The following CNTNAP2 variants were observed in gnomAD, a reference collection of about 807,000 sequenced individuals.
The protein encoded by CNTNAP2 is contactin associated protein 2.
A neutral mutation model predicts 155.2 loss-of-function variants in CNTNAP2; 98 were observed. The observed-to-expected ratio is 0.63, with a 90% confidence interval of 0.54 to 0.75. CNTNAP2 has a LOEUF of 0.75. CNTNAP2 is among the 30% of genes least tolerant of loss of function. CNTNAP2 has a pLI of 0.00. For missense variants in CNTNAP2, 1,727 were observed against 1,688.1 expected (o/e 1.02, Z -0.40); for synonymous variants, 651 against 631.2 (o/e 1.03, Z -0.47).
At chr7:147,863,893 T>A (rs9768453) in intron 13 of CNTNAP2, among the ~76,000 whole-genome samples, 89,944 of 151,518 alleles carry the variant, frequency 0.59, 26,959 homozygotes, top group Middle Eastern at 0.7. Context: ...TTCACTCCAA[T>A]GATAGTTTCT....
chr7:147,556,263 ATTC>A (rs35665067), intron 11 of CNTNAP2, among the ~76,000 whole-genome samples: 34,202 of 152,008 alleles, frequency 0.23, 4,592 homozygotes, highest in Non-Finnish European at 0.3. Context: ...AATAAAAGTT[ATTC>A]TTTAAATAGA....
At chr7:147,545,479 A>C (rs1381985138) in intron 11 of CNTNAP2, among the ~76,000 whole-genome samples, 1 of 152,218 alleles carries the variant, frequency 6.6e-6, no homozygotes, top group Non-Finnish European at 1.5e-5. Flanking sequence ...CCTAAAAATT[A>C]AGTGCTTAAA....
intron 10 of CNTNAP2, among the ~76,000 whole-genome samples, chr7:147,401,782 C>T (rs1168155565): frequency 2.6e-5 from 4 of 152,178 alleles, no homozygotes; most frequent in Admixed American, 2.0e-4. Context: ...CTCTCTCCTG[C>T]TGCCATGTAA....
intron 21 of CNTNAP2, among the ~76,000 whole-genome samples, chr7:148,367,879 T>C (rs1384101987): frequency 6.6e-6 from 1 of 151,754 alleles, no homozygotes; most frequent in Non-Finnish European, 1.5e-5. Flanking sequence ...GAAGTGTAGA[T>C]GGAAGTCCCC....
In CNTNAP2 at chr7:146,839,777, G is replaced by A. The variant is rs138924087; in HGVS notation, c.275G>A (p.Arg92Gln). The change falls in exon 3 of 24, where the codon CGG (arginine) becomes CAG (glutamine). Residue 92 changes from arginine (R) to glutamine (Q), a missense_variant. Physicochemically the swap from Arg to Gln is conservative, Grantham distance 43. Coordinates refer to ENST00000361727, the MANE Select transcript of CNTNAP2 (RefSeq NM_014141.6). The part of the protein sequence containing the change: ...YQWLQVDFGN[R>Q]KQISAIATQG... Reference sequence around the variant, plus strand: ...TGGCTTCAGGTTGACTTTGGCAATCGGAAGCAGATCAGTGCCATTGCAACC... The same window carrying A: ...TGGCTTCAGGTTGACTTTGGCAATCAGAAGCAGATCAGTGCCATTGCAACC... 6.7e-5 allele frequency: 108 copies of A among 1,614,124 alleles called. No homozygotes were observed. The highest frequency in any genetic ancestry group is 9.3e-5 in the African/African-American group (7 of 75,018).
chr7:148,084,438 A>G (rs1160819277), intron 15 of CNTNAP2, among the ~76,000 whole-genome samples: 1 of 152,220 alleles, frequency 6.6e-6, no homozygotes, highest in East Asian at 1.9e-4. Flanking sequence ...GGAAGCCCAG[A>G]GCATTTTTCT....
At chr7:148,150,350 C>A (rs980604683) in intron 17 of CNTNAP2, among the ~76,000 whole-genome samples, 6 of 152,084 alleles carry the variant, frequency 3.9e-5, no homozygotes, top group East Asian at 1.9e-4. Context: ...AGATCCTGAC[C>A]ATCCTGGCTA....
At chr7:147,324,445 T>C (rs1270160293) in intron 9 of CNTNAP2, among the ~76,000 whole-genome samples, 1 of 152,204 alleles carries the variant, frequency 6.6e-6, no homozygotes, top group Non-Finnish European at 1.5e-5. Flanking sequence ...CCACATCAGA[T>C]ATGTAATCCA....
At chr7:146,655,650 T>C (rs986826074) in intron 1 of CNTNAP2, among the ~76,000 whole-genome samples, 1 of 152,102 alleles carries the variant, frequency 6.6e-6, no homozygotes, top group Non-Finnish European at 1.5e-5. Context: ...GTTACCTTTT[T>C]AAAATAAATT....
intron 3 of CNTNAP2, among the ~76,000 whole-genome samples, chr7:146,935,578 T>C (rs1346539525): frequency 6.6e-6 from 1 of 152,186 alleles, no homozygotes; most frequent in Admixed American, 6.5e-5. Context: ...TGATTAGAAA[T>C]GTATCCCTCA....
chr7:147,832,504 T>C (rs1798565577), intron 13 of CNTNAP2, among the ~76,000 whole-genome samples: 3 of 146,324 alleles, frequency 2.1e-5, no homozygotes, highest in African/African-American at 7.4e-5. Context: ...TATTTTATTT[T>C]AAGTATATTT....
chr7:147,974,369 G>T (rs957389639), intron 14 of CNTNAP2, among the ~76,000 whole-genome samples: 3 of 152,150 alleles, frequency 2.0e-5, no homozygotes, highest in Non-Finnish European at 4.4e-5. Context: ...CAGCACTTTG[G>T]GAGGCTGAGG....
At chr7:146,968,684 A>G (rs1365807761) in intron 3 of CNTNAP2, among the ~76,000 whole-genome samples, 1 of 151,848 alleles carries the variant, frequency 6.6e-6, no homozygotes, top group African/African-American at 2.4e-5. Flanking sequence ...TATTGTGTCT[A>G]TTTAATTCTT....
intron 11 of CNTNAP2, among the ~76,000 whole-genome samples, chr7:147,538,349 A>G (rs914150024): frequency 6.6e-6 from 1 of 152,178 alleles, no homozygotes; most frequent in African/African-American, 2.4e-5. Flanking sequence ...AGTAAAACAA[A>G]CAACAACAAA....
chr7:148,331,102 G>T (rs1236877605), intron 21 of CNTNAP2, among the ~76,000 whole-genome samples: 1 of 148,752 alleles, frequency 6.7e-6, no homozygotes, highest in African/African-American at 2.5e-5. Flanking sequence ...GGATGGAATG[G>T]ACAGATGGAG....
In CNTNAP2 at chr7:146,816,577, G is replaced by A. The variant is rs1157193791; in HGVS notation, c.209-23134G>A. ...GGTATCTAGACTTTGGAACTTGGGC[G>A]TATACCACTAAAGATGTTAACCTAA... On this transcript the variant is annotated intron_variant, in intron 2 of 23. Transcript: ENST00000361727. Among the ~76,000 whole-genome samples the A allele has an allele frequency of 9.2e-5, 14 of 152,166 alleles. 1 individual carries two copies. The highest frequency in any genetic ancestry group is 1.2e-4 in the African/African-American group (5 of 41,438).
intron 3 of CNTNAP2, among the ~76,000 whole-genome samples, chr7:146,996,159 A>G (rs1022245650): frequency 7.2e-5 from 11 of 151,962 alleles, no homozygotes; most frequent in Non-Finnish European, 2.9e-5. Flanking sequence ...TATTAAAGAG[A>G]CTGTTTTTTC....
At chr7:146,255,492 C>T (rs1035445815) in intron 1 of CNTNAP2, among the ~76,000 whole-genome samples, 4 of 152,174 alleles carry the variant, frequency 2.6e-5, no homozygotes, top group Admixed American at 2.0e-4. Context: ...AAGACATTCA[C>T]TTCTTTGGCT....
intron 4 of CNTNAP2, among the ~76,000 whole-genome samples, chr7:147,087,895 T>C (rs1053684009): frequency 6.6e-6 from 1 of 152,094 alleles, no homozygotes; most frequent in African/African-American, 2.4e-5. Context: ...GAGATCCCCT[T>C]GAACCCGGGA....
Sources: gnomAD v4.1 joint callset for allele counts (sites outside exome capture counted in the v4.1 genomes callset) on GRCh38, gnomAD v4.1.1 for gene constraint, MANE v1.5 for transcripts, NCBI Gene and HGNC (gene_info 2026-07-23, HGNC 2026-07-21) for gene names.